NXPE2: variants seen among roughly 807,000 people sequenced by gnomAD.
NXPE2 encodes NXPE family member 2.
NXPE2 carries 34 observed loss-of-function variants against 34.4 expected under a neutral mutation model. The ratio of observed to expected loss-of-function variants is 0.99; its 90% confidence interval spans 0.75 to 1.31. The LOEUF (loss-of-function observed/expected upper bound fraction) is 1.31, where lower values mean the gene tolerates loss of function less well. NXPE2 is among the 40% of genes most tolerant of loss of function. NXPE2 has a pLI of 0.00. For missense variants in NXPE2, 649 were observed against 672.5 expected (o/e 0.97, Z 0.39); for synonymous variants, 235 against 231.3 (o/e 1.02, Z -0.15).
chr11:114,762,297 G>A, the NXPE2 span, among the ~76,000 whole-genome samples: 1 of 152,294 alleles, frequency 6.6e-6, no homozygotes, highest in East Asian at 1.9e-4. Flanking sequence ...GTGTATGTGT[G>A]TGTGGGAGTG....
chr11:114,547,797 A>G, the NXPE2 span, among the ~76,000 whole-genome samples: 3 of 152,150 alleles, frequency 2.0e-5, no homozygotes, highest in Admixed American at 6.5e-5. Flanking sequence ...GAAAATGCAT[A>G]TTAGGTAGAA....
the NXPE2 span, among the ~76,000 whole-genome samples, chr11:114,510,259 G>T: frequency 6.6e-6 from 1 of 152,102 alleles, no homozygotes; most frequent in African/African-American, 2.4e-5. Context: ...ACAGGGTCTT[G>T]CTCTGTCACC....
the NXPE2 span, among the ~76,000 whole-genome samples, chr11:114,464,637 CATAG>C: frequency 9.9e-5 from 15 of 151,994 alleles, no homozygotes; most frequent in Non-Finnish European, 1.6e-4. Flanking sequence ...ATATGAGATA[CATAG>C]ATAGGAATGA....
the NXPE2 span, chr11:114,553,852 T>G: frequency 2.1e-6 from 2 of 958,080 alleles, no homozygotes; most frequent in Non-Finnish European, 2.5e-6. Flanking sequence ...GACATCATCT[T>G]GGTAGCTTGA....
the NXPE2 span, among the ~76,000 whole-genome samples, chr11:114,796,011 T>A: frequency 1.3e-5 from 2 of 152,158 alleles, no homozygotes; most frequent in Admixed American, 6.5e-5. Flanking sequence ...CTATCAGCCA[T>A]GGGAAACTGT....
At chr11:114,639,826 A>C in the NXPE2 span, among the ~76,000 whole-genome samples, 1 of 89,790 alleles carries the variant, frequency 1.1e-5, no homozygotes, top group Non-Finnish European at 2.2e-5. Context: ...AAAATATAAT[A>C]TATATTATAT....
the NXPE2 span, among the ~76,000 whole-genome samples, chr11:114,633,180 G>A: frequency 8.2e-6 from 1 of 121,852 alleles, no homozygotes; most frequent in Non-Finnish European, 1.6e-5. Context: ...TAATTTATAT[G>A]ATTATATTTT....
At chr11:114,635,852 C>T in the NXPE2 span, among the ~76,000 whole-genome samples, 1 of 152,054 alleles carries the variant, frequency 6.6e-6, no homozygotes, top group Non-Finnish European at 1.5e-5. Context: ...TGATGTGTTG[C>T]TGTATTCGGT....
the NXPE2 span, among the ~76,000 whole-genome samples, chr11:114,616,242 C>T: frequency 1.8e-3 from 274 of 151,656 alleles, 7 homozygotes; most frequent in African/African-American, 6.2e-3. Flanking sequence ...CACTGGTAAC[C>T]ACTGTTACCC....
chr11:114,721,264 T>G, the NXPE2 span, among the ~76,000 whole-genome samples: 2 of 149,564 alleles, frequency 1.3e-5, no homozygotes, highest in African/African-American at 4.9e-5. Context: ...TTTTTGTAAA[T>G]ATTCAAATCA....
chr11:114,583,047 A>T, the NXPE2 span: 8 of 1,581,980 alleles, frequency 5.1e-6, no homozygotes, highest in Non-Finnish European at 6.9e-6. Flanking sequence ...ATGTGACATG[A>T]GATGGATAAA....
intron 3 of NXPE2, among the ~76,000 whole-genome samples, chr11:114,703,017 C>A (rs1227716221): frequency 6.6e-6 from 1 of 152,176 alleles, no homozygotes; most frequent in African/African-American, 2.4e-5. Flanking sequence ...TGGACATAGT[C>A]ACCATAGTCA....
chr11:114,798,588 T>C, the NXPE2 span, among the ~76,000 whole-genome samples: 1 of 152,218 alleles, frequency 6.6e-6, no homozygotes, highest in Non-Finnish European at 1.5e-5. Context: ...TTCACCCTGT[T>C]GGTCAGGCTG....
chr11:114,673,704 C>G (rs1607260), upstream of NXPE2, among the ~76,000 whole-genome samples: 157 of 151,792 alleles, frequency 1.0e-3, no homozygotes, highest in African/African-American at 3.7e-3. Context: ...GAAAGTTAAA[C>G]TTGGGAATTG....
the NXPE2 span, chr11:114,571,492 T>G: frequency 1.9e-6 from 3 of 1,564,868 alleles, no homozygotes; most frequent in Non-Finnish European, 2.6e-6. Flanking sequence ...AAATAGGCAA[T>G]CCCAAAATAA....
chr11:114,801,359 G>A, the NXPE2 span, among the ~76,000 whole-genome samples: 8 of 152,162 alleles, frequency 5.3e-5, no homozygotes, highest in Non-Finnish European at 1.0e-4. Context: ...GCAAATGCAA[G>A]GCCTTAAGGC....
At chr11:114,582,228 C>G in the NXPE2 span, 1 of 1,494,238 alleles carries the variant, frequency 6.7e-7, no homozygotes. Context: ...TTCTTTGGAT[C>G]AGTATATAGG....
At chr11:114,673,293 A>G in the NXPE2 span, among the ~76,000 whole-genome samples, 1 of 151,550 alleles carries the variant, frequency 6.6e-6, no homozygotes, top group Non-Finnish European at 1.5e-5. Flanking sequence ...AAATGAAGGT[A>G]TAACAAACCA....
chr11:114,651,302 G>A, the NXPE2 span, among the ~76,000 whole-genome samples: 2 of 151,862 alleles, frequency 1.3e-5, no homozygotes, highest in East Asian at 1.9e-4. Flanking sequence ...CTGACTTTAG[G>A]AGTGAAGCCG....
Sources: allele counts gnomAD v4.1 joint callset (sites outside exome capture counted in the v4.1 genomes callset), GRCh38; gene constraint gnomAD v4.1.1; transcripts MANE v1.5; gene names NCBI Gene and HGNC (gene_info 2026-07-23, HGNC 2026-07-21).